Variants in CNOT10 observed in about 807,000 individuals in gnomAD.
CNOT10 encodes CCR4-NOT transcription complex subunit 10, also known as CCR4-NOT transcription complex, subunit 10.
A neutral mutation model predicts 94.6 loss-of-function variants in CNOT10; 30 were observed. That is an observed-to-expected ratio of 0.32 (90% CI 0.24 to 0.43). The LOEUF is 0.43. Ranked by LOEUF, CNOT10 falls within the 20% of genes least tolerant of loss-of-function variation. The pLI, the probability that CNOT10 is intolerant of heterozygous loss-of-function variation, is 1.00. For synonymous variants in CNOT10, 289 were observed against 301.6 expected, an observed-to-expected ratio of 0.96 and a Z score of 0.43; for missense variants, 759 against 877.2, an observed-to-expected ratio of 0.87 and a Z score of 1.70.
rs532689458 is a variant in CNOT10 at position 32,686,079 on chromosome 3, C to G, written c.22+597C>G. On this transcript the variant is annotated intron_variant, in intron 1 of 18. Transcript: ENST00000328834. The stretch of plus-strand genomic sequence containing the variant: ...TTAAAAAGGCATAAAATCCTATTGT[C>G]TCTCTACAGTCTGTGCTCCTAAAAT... Among the ~76,000 whole-genome samples, 5 of 152,304 alleles carry G rather than the reference C, an allele frequency of 3.3e-5. No homozygotes were observed. The East Asian group carries it at 9.6e-4, about 29-fold the overall frequency.
At chr3:32,759,933 A>T (rs1700371443) in intron 14 of CNOT10, among the ~76,000 whole-genome samples, 1 of 152,192 alleles carries the variant, frequency 6.6e-6, no homozygotes, top group African/African-American at 2.4e-5. Context: ...CTGTAATCCC[A>T]GCACTTTGGG....
intron 1 of CNOT10, among the ~76,000 whole-genome samples, chr3:32,699,783 G>A (rs1697249039): frequency 6.6e-6 from 1 of 152,082 alleles, no homozygotes; most frequent in Non-Finnish European, 1.5e-5. Flanking sequence ...GGGAAGAATG[G>A]AAAGGAGCCA....
chr3:32,764,152 C>A (rs1393523515), intron 15 of CNOT10: 1 of 268,476 alleles, frequency 3.7e-6, no homozygotes, highest in Non-Finnish European at 6.8e-6. Context: ...GCCTGACCAA[C>A]ATGGTGAAAC....
At position 32,773,585 on chromosome 3, in the gene CNOT10, G is replaced by T; in HGVS notation, c.2209G>T (p.Ala737Ser). Residue 737 changes from alanine to serine, a missense_variant, in exon 19 of 19, where the codon GCT (alanine) becomes TCT (serine). Coordinates refer to ENST00000328834, the MANE Select transcript of CNOT10 (RefSeq NM_015442.3). ...VHPIQPIQMP[A>S]FTTVQRK ...CCCGATCCAGCCCATCCAAATGCCG[G>T]CTTTCACCACTGTGCAGAGAAAGTG... The T allele has an allele frequency of 6.2e-7, 1 of 1,613,872 alleles. No individual in the cohort carries two copies. The highest frequency in any genetic ancestry group is 8.5e-7 in the Non-Finnish European group (1 of 1,179,928).
intron 13 of CNOT10, among the ~76,000 whole-genome samples, chr3:32,739,517 G>A (rs1699358412): frequency 6.8e-6 from 1 of 146,592 alleles, no homozygotes; most frequent in South Asian, 2.1e-4. Context: ...ACTCCATAGT[G>A]TCTTTTTTTT....
intron 17 of CNOT10, among the ~76,000 whole-genome samples, chr3:32,768,437 G>C (rs1373383441): frequency 2.6e-5 from 4 of 152,116 alleles, no homozygotes; most frequent in African/African-American, 7.2e-5. Context: ...CAAGAAATTA[G>C]CTGGGCGTGG....
chr3:32,772,543 T>A (rs913068466), intron 18 of CNOT10, among the ~76,000 whole-genome samples: 15 of 150,530 alleles, frequency 1.0e-4, no homozygotes, highest in African/African-American at 3.7e-4. Context: ...ATAAAAAATT[T>A]TAAAAAGGCT....
At chr3:32,708,939 GT>G in intron 4 of CNOT10, 119 bp downstream of exon 4, 1 of 742,330 alleles carries the variant, frequency 1.3e-6, no homozygotes, top group Non-Finnish European at 2.1e-6. Context: ...AAGAAAAGCC[GT>G]ATCAGCTTTG....
intron 8 of CNOT10, among the ~76,000 whole-genome samples, chr3:32,720,544 G>A (rs909369635): frequency 1.3e-5 from 2 of 150,086 alleles, no homozygotes; most frequent in Non-Finnish European, 3.0e-5. Flanking sequence ...GTCTTGCTGA[G>A]TGCAGTGCCA....
chr3:32,772,413 G>C (rs935897995), intron 18 of CNOT10, among the ~76,000 whole-genome samples: 44 of 152,316 alleles, frequency 2.9e-4, no homozygotes, highest in African/African-American at 1.0e-3. Flanking sequence ...TCTGGAGGCT[G>C]AGGCGGGAGG....
intron 13 of CNOT10, among the ~76,000 whole-genome samples, chr3:32,748,048 A>G (rs958879117): frequency 1.1e-4 from 17 of 152,114 alleles, no homozygotes; most frequent in Non-Finnish European, 1.6e-4. Flanking sequence ...GTGTTAACCA[A>G]TCTAGTCCTA....
intron 13 of CNOT10, among the ~76,000 whole-genome samples, chr3:32,756,368 G>A (rs1355138541): frequency 6.6e-6 from 1 of 152,110 alleles, no homozygotes. Flanking sequence ...TATATTCTAC[G>A]TAATTATAGT....
chr3:32,724,654 C>T (rs970563092), intron 8 of CNOT10, among the ~76,000 whole-genome samples: 2 of 152,066 alleles, frequency 1.3e-5, no homozygotes, highest in African/African-American at 2.4e-5. Context: ...CCTCGTGATC[C>T]GCCCACCTCG....
At chr3:32,733,860 C>G (rs1267333829) in intron 11 of CNOT10, among the ~76,000 whole-genome samples, 2 of 152,102 alleles carry the variant, frequency 1.3e-5, no homozygotes, top group African/African-American at 4.8e-5. Context: ...TTTTGGTTAT[C>G]ATTGATACTT....
chr3:32,721,544 T>C (rs928012244), intron 8 of CNOT10, among the ~76,000 whole-genome samples: 5 of 148,362 alleles, frequency 3.4e-5, no homozygotes, highest in Non-Finnish European at 7.4e-5. Flanking sequence ...GTTAATAATA[T>C]AATTTTTTTC....
chr3:32,730,476 GC>G, intron 10 of CNOT10, among the ~76,000 whole-genome samples: 1 of 151,912 alleles, frequency 6.6e-6, no homozygotes, highest in Non-Finnish European at 1.5e-5. Flanking sequence ...CACAATTTGT[GC>G]TGCTAATAGG....
chr3:32,750,572 A>C (rs921494551), intron 13 of CNOT10, among the ~76,000 whole-genome samples: 1 of 151,608 alleles, frequency 6.6e-6, no homozygotes, highest in African/African-American at 2.4e-5. Flanking sequence ...TTTTTTTTTG[A>C]GACAGAGTCT....
intron 15 of CNOT10, among the ~76,000 whole-genome samples, chr3:32,763,165 A>C (rs1193436760): frequency 6.6e-6 from 1 of 152,088 alleles, no homozygotes; most frequent in Non-Finnish European, 1.5e-5. Context: ...GGGAGTAAAA[A>C]TATTGCATTC....
At chr3:32,706,006 A>C (rs1194837955) in intron 3 of CNOT10, among the ~76,000 whole-genome samples, 1 of 152,194 alleles carries the variant, frequency 6.6e-6, no homozygotes, top group Non-Finnish European at 1.5e-5. Context: ...CTCTTGAGGC[A>C]GTAGGTGCTT....
Sources: allele counts gnomAD v4.1 joint callset (sites outside exome capture counted in the v4.1 genomes callset), GRCh38; gene constraint gnomAD v4.1.1; transcripts MANE v1.5; gene names NCBI Gene and HGNC (gene_info 2026-07-23, HGNC 2026-07-21).